The following CSMD2 variants were observed in gnomAD, a reference collection of about 807,000 sequenced individuals.
CSMD2 encodes CUB and sushi domain-containing protein 2.
Under a neutral mutation model 398.5 loss-of-function variants are expected in CSMD2, and 130 were observed. That is an observed-to-expected ratio of 0.33 (90% CI 0.28 to 0.38). The LOEUF is 0.38. Among genes scored for constraint, CSMD2 ranks in the 10% least tolerant of loss-of-function variants. The pLI is 1.00. For missense variants in CSMD2, 3,829 were observed against 4,764.9 expected, an observed-to-expected ratio of 0.80 and a Z score of 5.78; for synonymous variants, 1,828 against 1,908.5, an observed-to-expected ratio of 0.96 and a Z score of 1.10.
chr1:33,587,207 CA>C, intron 44 of CSMD2, 39 bp from the exon 45 acceptor site: 1 of 1,417,844 alleles, frequency 7.1e-7, no homozygotes, highest in Non-Finnish European at 9.8e-7. Context: ...GTAAGATCAT[CA>C]TTCTCCAGGT....
chr1:33,547,758 G>A (rs1000050130), intron 56 of CSMD2, among the ~76,000 whole-genome samples: 5 of 152,192 alleles, frequency 3.3e-5, no homozygotes, highest in African/African-American at 1.2e-4. Context: ...TCACACAACA[G>A]GCAGAACTGG....
chr1:34,093,564 G>T (rs1291161526), intron 1 of CSMD2, among the ~76,000 whole-genome samples: 1 of 151,808 alleles, frequency 6.6e-6, no homozygotes, highest in Non-Finnish European at 1.5e-5. Flanking sequence ...AGTGCTTAAA[G>T]GAGCTGATGG....
chr1:33,577,555 C>G, intron 48 of CSMD2, 71 bp from the exon 49 acceptor site: 1 of 1,317,816 alleles, frequency 7.6e-7, no homozygotes, highest in Non-Finnish European at 1.0e-6. Context: ...ATGCAGGCCC[C>G]TTTCCCTTTC....
At chr1:33,821,282 T>G (rs1307797173) in intron 7 of CSMD2, among the ~76,000 whole-genome samples, 1 of 152,142 alleles carries the variant, frequency 6.6e-6, no homozygotes, top group Non-Finnish European at 1.5e-5. Flanking sequence ...ACAGTTGTCT[T>G]GGCTAGAGGA....
At chr1:33,794,066 A>AT (rs1158149531) in intron 10 of CSMD2, among the ~76,000 whole-genome samples, 1 of 152,076 alleles carries the variant, frequency 6.6e-6, no homozygotes, top group Non-Finnish European at 1.5e-5. Flanking sequence ...TTCTGTGGAT[A>AT]TTTTTTCCTA....
chr1:33,885,626 G>A (rs1318353985), intron 5 of CSMD2, among the ~76,000 whole-genome samples: 1 of 152,118 alleles, frequency 6.6e-6, no homozygotes, highest in Non-Finnish European at 1.5e-5. Flanking sequence ...GGAATCTTGT[G>A]GTCAGCCCTG....
chr1:34,139,994 C>A (rs978280893), intron 1 of CSMD2, among the ~76,000 whole-genome samples: 1 of 152,078 alleles, frequency 6.6e-6, no homozygotes, highest in Non-Finnish European at 1.5e-5. Context: ...TAACTAATGG[C>A]CTACTATTTG....
At chr1:33,531,736 T>C (rs963844900) in intron 64 of CSMD2, among the ~76,000 whole-genome samples, 4 of 152,204 alleles carry the variant, frequency 2.6e-5, no homozygotes, top group African/African-American at 4.8e-5. Context: ...TATTGTATGA[T>C]TCCACTAACA....
chr1:33,571,140 C>T (rs894719104), intron 51 of CSMD2, among the ~76,000 whole-genome samples: 3 of 152,170 alleles, frequency 2.0e-5, no homozygotes, highest in Non-Finnish European at 2.9e-5. Context: ...GGTCTTATCG[C>T]ACCACATTAT....
chr1:33,556,378 G>T (rs923826404), intron 55 of CSMD2, among the ~76,000 whole-genome samples: 7 of 152,120 alleles, frequency 4.6e-5, no homozygotes, highest in African/African-American at 1.7e-4. Context: ...TAGACCTACA[G>T]CCACGAGGGC....
At chr1:33,837,609 C>T (rs1437923787) in intron 6 of CSMD2, among the ~76,000 whole-genome samples, 4 of 152,224 alleles carry the variant, frequency 2.6e-5, no homozygotes, top group Non-Finnish European at 4.4e-5. Context: ...CATACATGCA[C>T]ATTTCTGCGT....
intron 6 of CSMD2, among the ~76,000 whole-genome samples, chr1:33,831,007 T>C (rs1659484113): frequency 6.6e-6 from 1 of 152,166 alleles, no homozygotes; most frequent in African/African-American, 2.4e-5. Flanking sequence ...AATATGGGAC[T>C]ATGTGAAAAG....
At chr1:33,542,983 T>G (rs2148602205) in intron 57 of CSMD2, 87 bp from the exon 58 acceptor site, 1 of 1,133,086 alleles carries the variant, frequency 8.8e-7, no homozygotes, top group East Asian at 2.5e-5. Flanking sequence ...GGAAGCCACA[T>G]GCTACCTCGG....
At chr1:33,825,904 T>G in intron 6 of CSMD2, 130 bp from the exon 7 acceptor site, 1 of 696,510 alleles carries the variant, frequency 1.4e-6, no homozygotes, top group East Asian at 2.7e-5. Flanking sequence ...ACTTCTGGGC[T>G]GGGACATTCC....
chr1:33,860,993 A>G (rs566135747), intron 5 of CSMD2: 2 of 152,342 alleles, frequency 1.3e-5, no homozygotes, highest in African/African-American at 4.8e-5. Flanking sequence ...TTTTATCTCT[A>G]TATCTTCTCT....
chr1:33,822,567 C>T (rs1053205773), intron 7 of CSMD2, among the ~76,000 whole-genome samples: 10 of 152,286 alleles, frequency 6.6e-5, no homozygotes, highest in Non-Finnish European at 1.3e-4. Flanking sequence ...ACGCCCATCC[C>T]CTTCCTTGCC....
chr1:34,091,957 C>T (rs1209512884), intron 1 of CSMD2, among the ~76,000 whole-genome samples: 1 of 152,062 alleles, frequency 6.6e-6, no homozygotes, highest in Non-Finnish European at 1.5e-5. Context: ...GTAGATGATA[C>T]ATTAATATAC....
intron 1 of CSMD2, among the ~76,000 whole-genome samples, chr1:34,148,054 C>T (rs1639945960): frequency 6.6e-6 from 1 of 152,126 alleles, no homozygotes; most frequent in African/African-American, 2.4e-5. Context: ...TAAAGAGAGG[C>T]ACAGCATTGG....
chr1:33,724,836 T>C (rs920657045), intron 17 of CSMD2, 132 bp from the exon 18 acceptor site: 18 of 812,666 alleles, frequency 2.2e-5, no homozygotes, highest in African/African-American at 1.6e-4. Context: ...ACTCATGAAA[T>C]GTGGCCGTCA....
Sources: gnomAD v4.1 joint callset for allele counts (sites outside exome capture counted in the v4.1 genomes callset) on GRCh38, gnomAD v4.1.1 for gene constraint, MANE v1.5 for transcripts, NCBI Gene and HGNC (gene_info 2026-07-23, HGNC 2026-07-21) for gene names.